MPPED1: variants seen among roughly 807,000 people sequenced by gnomAD.
MPPED1 encodes metallophosphoesterase domain containing 1, also known as metallophosphoesterase domain-containing protein 1.
A neutral mutation model predicts 36.2 loss-of-function variants in MPPED1; 16 were observed. The observed-to-expected ratio is 0.44, with a 90% CI of 0.30 to 0.67. The LOEUF is 0.67. MPPED1 is among the 30% of genes least tolerant of loss of function. The pLI is 0.10. For missense variants in MPPED1, 307 were observed against 453.4 expected, an observed-to-expected ratio of 0.68 and a Z score of 2.93; for synonymous variants, 199 against 191.3, an observed-to-expected ratio of 1.04 and a Z score of -0.33.
rs576677024 is a variant in MPPED1, at chr22:43,474,489, G to C, written c.407-247G>C. ...CGATTCCAGCAGCTTCCTCCTGCCC[G>C]CCCCTCTCTCAGCCATGCTGTGGCT... On this transcript the variant is annotated intron_variant, in intron 3 of 6. Transcript: ENST00000443721. This position sits in a 1 kb window ranked among gnomAD's most constrained non-coding sequence, Gnocchi z 5.2. Among the ~76,000 whole-genome samples the C allele has an allele frequency of 2.0e-5, 3 of 152,220 alleles. No individual in the cohort carries two copies. Among genetic ancestry groups the C allele is most frequent in the Non-Finnish European group, 4.4e-5 (3 of 68,046 alleles).
At chr22:43,454,450 A>G (rs892808752) in intron 3 of MPPED1, among the ~76,000 whole-genome samples, 2 of 150,752 alleles carry the variant, frequency 1.3e-5, no homozygotes, top group African/African-American at 4.9e-5. Flanking sequence ...GACTATAGGC[A>G]TGTGCCACCA....
At chr22:43,422,548 C>T (rs1348426220) in intron 1 of MPPED1, among the ~76,000 whole-genome samples, 1 of 152,150 alleles carries the variant, frequency 6.6e-6, no homozygotes, top group African/African-American at 2.4e-5. Flanking sequence ...GTGATGTGGT[C>T]AGCTTGCATT....
intron 3 of MPPED1, among the ~76,000 whole-genome samples, chr22:43,467,955 T>C (rs1016718916): frequency 1.8e-4 from 28 of 152,164 alleles, no homozygotes; most frequent in African/African-American, 6.8e-4. Context: ...TAAAGAATTG[T>C]ACCTTTTGGA....
At chr22:43,443,499 G>T (rs1451453659) in intron 3 of MPPED1, among the ~76,000 whole-genome samples, 2 of 152,136 alleles carry the variant, frequency 1.3e-5, no homozygotes, top group South Asian at 2.1e-4. Context: ...CTCTGGTTTG[G>T]AAGTGGAATC....
chr22:43,503,033 G>A lies in MPPED1; in HGVS notation c.862+276G>A, dbSNP rs951797984. ...TGCTGTGCCTCCAGCCTGGGAAGCC[G>A]TCGGGAGGTGGGCAGGGGGTTTTCA... On this transcript the variant is annotated intron_variant, in intron 6 of 6. Coordinates refer to ENST00000443721, the MANE Select transcript of MPPED1 (RefSeq NM_001044370.2). 3.9e-5 allele frequency among the ~76,000 whole-genome samples: 6 copies of A among 152,204 alleles called. No homozygotes were observed. The South Asian group carries it at 1.2e-3, about 31-fold the overall frequency.
chr22:43,412,893 C>T (rs576759091), intron 1 of MPPED1, among the ~76,000 whole-genome samples: 2 of 152,222 alleles, frequency 1.3e-5, no homozygotes, highest in Non-Finnish European at 2.9e-5. Context: ...CTCCCTTCAC[C>T]CTGGCAGGGC....
At chr22:43,495,493 A>ACTAGTAATGGAG (rs1569088645) in intron 4 of MPPED1, among the ~76,000 whole-genome samples, 2 of 7,976 alleles carry the variant, frequency 2.5e-4, no homozygotes, top group Non-Finnish European at 4.0e-4. Flanking sequence ...TGGTGGAGGT[A>ACTAGTAATGGAG]GTGGTGGTGG....
chr22:43,413,657 C>T (rs932783606), intron 1 of MPPED1, among the ~76,000 whole-genome samples: 1 of 152,188 alleles, frequency 6.6e-6, no homozygotes, highest in African/African-American at 2.4e-5. Flanking sequence ...TGATAAACTG[C>T]GCTTCACCGT....
At chr22:43,469,132 C>G (rs990384837) in intron 3 of MPPED1, among the ~76,000 whole-genome samples, 1 of 152,108 alleles carries the variant, frequency 6.6e-6, no homozygotes, top group South Asian at 2.1e-4. Flanking sequence ...AGCTACTTTC[C>G]CGGGGTTCAG....
At chr22:43,501,806 T>C (rs1273919050) in intron 5 of MPPED1, among the ~76,000 whole-genome samples, 3 of 151,878 alleles carry the variant, frequency 2.0e-5, no homozygotes, top group Non-Finnish European at 4.4e-5. Flanking sequence ...CTCTTTTCTC[T>C]GCTTTCCCCT....
At chr22:43,458,739 T>G (rs1243758062) in intron 3 of MPPED1, among the ~76,000 whole-genome samples, 1 of 152,172 alleles carries the variant, frequency 6.6e-6, no homozygotes, top group Non-Finnish European at 1.5e-5. Flanking sequence ...ACAGATTCAG[T>G]TTGTTTCTGT....
chr22:43,413,833 G>A (rs73426268), intron 1 of MPPED1, among the ~76,000 whole-genome samples: 1,796 of 152,268 alleles, frequency 0.012, 38 homozygotes, highest in African/African-American at 0.042. Context: ...ATCCAGTCAC[G>A]GAGGCTTAAT....
chr22:43,427,370 G>T (rs1431573743), intron 2 of MPPED1, among the ~76,000 whole-genome samples: 1 of 152,146 alleles, frequency 6.6e-6, no homozygotes, highest in Non-Finnish European at 1.5e-5. Flanking sequence ...AGCAAGTTGG[G>T]AGAGGGTGTG....
At chr22:43,475,481 G>GATA (rs374161989) in intron 4 of MPPED1, among the ~76,000 whole-genome samples, 13 of 132,348 alleles carry the variant, frequency 9.8e-5, no homozygotes, top group Admixed American at 1.5e-4. Context: ...TGATGATGGT[G>GATA]ATGGTGATGA....
At chr22:43,495,548 GTGGAGATGGTGGTGGTGGAGGTGA>G (rs1932270325) in intron 4 of MPPED1, among the ~76,000 whole-genome samples, 1 of 128,186 alleles carries the variant, frequency 7.8e-6, no homozygotes, top group African/African-American at 2.8e-5. Flanking sequence ...GATGGTGGTG[GTGGAGATGGTGGTGGTGGAGGTGA>G]TGGTGGAGGT....
intron 3 of MPPED1, among the ~76,000 whole-genome samples, chr22:43,453,246 G>C (rs1380300997): frequency 3.3e-5 from 5 of 152,038 alleles, no homozygotes; most frequent in Admixed American, 3.3e-4. Flanking sequence ...CACTGTGCCC[G>C]GCCAGTCTTA....
At position 43,412,048 on chromosome 22, in the gene MPPED1, C is replaced by T; in HGVS notation, c.-189C>T. ...CTCGGACGCGCGGCGAGGCGGCCGC[C>T]GCCGGAGGAGCCCCCGCCCCTGCGC... is the stretch of plus-strand genomic sequence containing the variant. On this transcript the variant is annotated 5_prime_UTR_variant, in exon 1 of 7. Coordinates refer to ENST00000443721, the MANE Select transcript of MPPED1 (RefSeq NM_001044370.2). 1 of 978,878 alleles carries T rather than the reference C, an allele frequency of 1.0e-6. No homozygotes were observed. The allele number at this position is 978,878 out of a possible 1,614,324, so 60.6% of individuals were successfully genotyped here.
chr22:43,464,388 C>T lies in MPPED1; in HGVS notation c.407-10348C>T, dbSNP rs141487362. Among the ~76,000 whole-genome samples, 728 of 150,876 alleles carry T rather than the reference C, an allele frequency of 4.8e-3. 7 individuals are homozygous for T. Among genetic ancestry groups the T allele is most frequent in the African/African-American group, 0.017 (709 of 41,102 alleles). ...GCCCTGGCCATGTCTTTGGGCAAGC[C>T]CTATATTGATACCTATGGGTTTTTC... On this transcript the variant is annotated intron_variant, in intron 3 of 6. Transcript: ENST00000443721.
chr22:43,477,294 C>G (rs1231400462), intron 4 of MPPED1, among the ~76,000 whole-genome samples: 5 of 152,248 alleles, frequency 3.3e-5, no homozygotes, highest in African/African-American at 9.6e-5. Flanking sequence ...AGGCTGTGAG[C>G]TGGTGCTCCT....
Sources: gnomAD v4.1 joint callset for allele counts (sites outside exome capture counted in the v4.1 genomes callset) on GRCh38, gnomAD v4.1.1 for gene constraint, Gnocchi (gnomAD v3.1) non-coding constraint, MANE v1.5 for transcripts, NCBI Gene and HGNC (gene_info 2026-07-23, HGNC 2026-07-21) for gene names.